PSPH: variants seen among roughly 807,000 people sequenced by gnomAD.
PSPH encodes L-3-phosphoserine phosphatase.
In PSPH, 16 loss-of-function variants were observed where a neutral mutation model predicts 23.4. The ratio of observed to expected loss-of-function variants is 0.68; its 90% CI spans 0.46 to 1.04. The LOEUF is 1.04. Among genes scored for constraint, PSPH ranks in the 50% least tolerant of loss-of-function variants. The probability of loss-of-function intolerance (pLI) is 0.00; values close to 1 mark genes in which losing one functional copy is unlikely to be tolerated. For missense variants in PSPH, 223 were observed against 273.7 expected (o/e 0.81, Z 1.31); for synonymous variants, 68 against 99.7 (o/e 0.68, Z 1.89).
intron 5 of PSPH, among the ~76,000 whole-genome samples, chr7:56,019,247 G>A (rs1788987067): frequency 6.6e-6 from 1 of 151,990 alleles, no homozygotes; most frequent in African/African-American, 2.4e-5. Context: ...TTCAAGCAGT[G>A]TGGTCAACAT....
At chr7:56,042,020 C>T (rs192684631) in intron 1 of PSPH, among the ~76,000 whole-genome samples, 5 of 151,602 alleles carry the variant, frequency 3.3e-5, no homozygotes, top group African/African-American at 4.8e-5. Context: ...GTCAGGAGTT[C>T]GAGACCAGCC....
intron 1 of PSPH, among the ~76,000 whole-genome samples, chr7:56,035,093 C>CACTTTGGG (rs1286355784): frequency 3.9e-5 from 6 of 152,080 alleles, no homozygotes; most frequent in African/African-American, 1.4e-4. Flanking sequence ...GTAATCCCAG[C>CACTTTGGG]ACTTTGGGAG....
chr7:56,044,852 T>C (rs1044211363), intron 1 of PSPH, among the ~76,000 whole-genome samples: 2 of 151,842 alleles, frequency 1.3e-5, no homozygotes, highest in African/African-American at 2.4e-5. Flanking sequence ...GGCAGGCAGA[T>C]CACTTGAGGT....
rs1412844221 is a variant in PSPH, at chr7:56,051,427, G to C, written c.-581C>G. 1 of 205,776 alleles carries C rather than the reference G, an allele frequency of 4.9e-6. No individual in the cohort carries two copies. The highest frequency in any genetic ancestry group is 1.0e-5 in the Non-Finnish European group (1 of 100,224). The allele number at this position is 205,776 out of a possible 1,614,324, so 12.7% of individuals were successfully genotyped here. ...GCACCTAGGGCACCGTCGAGCACAC[G>C]GTCCGGGAAGCTCCAATGAAACGGA... On this transcript the variant is annotated 5_prime_UTR_variant, in exon 1 of 8. Transcript: ENST00000275605.
intron 5 of PSPH, among the ~76,000 whole-genome samples, chr7:56,019,386 C>T (rs1789003660): frequency 6.6e-6 from 1 of 151,836 alleles, no homozygotes; most frequent in South Asian, 2.1e-4. Context: ...CTGCAGTGAG[C>T]TGACATTTCA....
At chr7:56,047,496 A>T (rs188982576) in intron 1 of PSPH, among the ~76,000 whole-genome samples, 1 of 152,286 alleles carries the variant, frequency 6.6e-6, no homozygotes, top group African/African-American at 2.4e-5. Context: ...TGCTTATTAA[A>T]TACAAAGAAA....
At chr7:56,034,352 G>A (rs911254606) in intron 1 of PSPH, among the ~76,000 whole-genome samples, 2 of 152,134 alleles carry the variant, frequency 1.3e-5, no homozygotes, top group Admixed American at 6.5e-5. Context: ...GCTGCTCCGC[G>A]CTGCCGCCAC....
chr7:56,019,776 T>C (rs773365449), intron 4 of PSPH, 42 bp from the exon 5 acceptor site: 2 of 1,608,696 alleles, frequency 1.2e-6, no homozygotes, highest in Non-Finnish European at 1.7e-6. Context: ...AGGTCCGATG[T>C]CCTCAAGGTT....
At chr7:56,024,804 C>CT (rs11394881) in intron 3 of PSPH, among the ~76,000 whole-genome samples, 82,460 of 130,054 alleles carry the variant, frequency 0.63, 26,692 homozygotes, top group Non-Finnish European at 0.7. Flanking sequence ...ATTAATAAAT[C>CT]TTTTTTTTTT....
intron 5 of PSPH, 37 bp downstream of exon 5, chr7:56,019,563 G>T (rs777097005): frequency 6.2e-7 from 1 of 1,612,602 alleles, no homozygotes; most frequent in South Asian, 1.1e-5. Flanking sequence ...CCCCAACACT[G>T]GTGCTGAAAT....
chr7:56,023,868 T>C (rs1562799056), intron 3 of PSPH, among the ~76,000 whole-genome samples: 2 of 152,140 alleles, frequency 1.3e-5, no homozygotes, highest in Non-Finnish European at 2.9e-5. Context: ...CCCTGCCACC[T>C]GGTTTGGTAT....
chr7:56,017,766 A>C (rs936117228), intron 5 of PSPH, among the ~76,000 whole-genome samples: 4 of 141,768 alleles, frequency 2.8e-5, no homozygotes, highest in Admixed American at 7.7e-5. Flanking sequence ...CTCTGTCATC[A>C]GGCTGGAGTG....
intron 1 of PSPH, among the ~76,000 whole-genome samples, chr7:56,038,489 G>A (rs1404212927): frequency 2.0e-5 from 3 of 151,352 alleles, no homozygotes; most frequent in Admixed American, 6.6e-5. Context: ...CACTGAACAC[G>A]TGCAATTTCT....
intron 1 of PSPH, among the ~76,000 whole-genome samples, chr7:56,046,706 C>A (rs1793290176): frequency 6.6e-6 from 1 of 151,422 alleles, no homozygotes; most frequent in Non-Finnish European, 1.5e-5. Context: ...ATCACTTGAA[C>A]CCAGAAGGTG....
intron 1 of PSPH, among the ~76,000 whole-genome samples, chr7:56,034,699 A>G (rs1330399649): frequency 6.6e-5 from 10 of 151,844 alleles, no homozygotes; most frequent in East Asian, 3.9e-4. Flanking sequence ...GTATTTTTTA[A>G]TAGAGACGGG....
intron 1 of PSPH, among the ~76,000 whole-genome samples, chr7:56,041,113 A>C (rs1441642405): frequency 1.3e-5 from 2 of 152,096 alleles, no homozygotes; most frequent in East Asian, 3.9e-4. Context: ...CCTGTAATCC[A>C]AACACTTTGG....
chr7:56,014,321 C>G (rs1023952183), intron 7 of PSPH, among the ~76,000 whole-genome samples: 1 of 152,116 alleles, frequency 6.6e-6, no homozygotes, highest in Admixed American at 6.6e-5. Flanking sequence ...TGGTGCCCAT[C>G]CTACGGGGAT....
chr7:56,037,705 AATTTTTTTTT>A (rs1450374655), intron 1 of PSPH, among the ~76,000 whole-genome samples: 1 of 139,564 alleles, frequency 7.2e-6, no homozygotes, highest in Non-Finnish European at 1.5e-5. Context: ...TAAGCTAACA[AATTTTTTTTT>A]TTTTTTTTTT....
intron 2 of PSPH, among the ~76,000 whole-genome samples, chr7:56,032,282 G>A (rs868214935): frequency 2.0e-5 from 3 of 152,102 alleles, no homozygotes; most frequent in African/African-American, 7.2e-5. Context: ...AAGTCTGATA[G>A]GAAATCATGT....
Sources: allele counts gnomAD v4.1 joint callset (sites outside exome capture counted in the v4.1 genomes callset), GRCh38; gene constraint gnomAD v4.1.1; transcripts MANE v1.5; gene names NCBI Gene and HGNC (gene_info 2026-07-23, HGNC 2026-07-21).